Variants in PBX1 observed in about 807,000 individuals in gnomAD.
PBX1 encodes PBX homeobox 1.
A neutral mutation model predicts 53.4 loss-of-function variants in PBX1; 6 were observed. The observed-to-expected ratio is 0.11, with a 90% CI of 0.06 to 0.22. The LOEUF (loss-of-function observed/expected upper bound fraction) is 0.22. Among genes scored for constraint, PBX1 ranks in the 10% least tolerant of loss-of-function variants. The pLI is 1.00. For missense variants in PBX1, 251 were observed against 551.4 expected, an observed-to-expected ratio of 0.46 and a Z score of 5.46; for synonymous variants, 204 against 212.3, an observed-to-expected ratio of 0.96 and a Z score of 0.34.
At chr1:164,852,165 C>T (rs564892695), downstream of PBX1, among the ~76,000 whole-genome samples, 1 of 152,354 alleles carries the variant, frequency 6.6e-6, no homozygotes, top group South Asian at 2.1e-4. Context: ...GTTCCTAAGT[C>T]ATGGCTGTTT....
rs1653102286 is a variant in PBX1, at chr1:164,562,184, G to GTACA, written c.192-1051_192-1048dup. 2.6e-5 allele frequency among the ~76,000 whole-genome samples: 4 copies of GTACA among 152,130 alleles called. 1 individual carries two copies. Among genetic ancestry groups the GTACA allele is most frequent in the African/African-American group, 9.6e-5 (4 of 41,496 alleles). ...GACTTTATTACTCCCCTGCTGTACA[G>GTACA]TACATAGGGCATGTTTCTGATCTCT... On this transcript the variant is annotated intron_variant, in intron 1 of 8. Transcript: ENST00000420696.
chr1:164,860,526 C>A (rs999014908), intron 2 of PBX1, among the ~76,000 whole-genome samples: 1 of 152,090 alleles, frequency 6.6e-6, no homozygotes, highest in Non-Finnish European at 1.5e-5. Flanking sequence ...TTTCTTTTTG[C>A]CTTTTTACCT....
intron 2 of PBX1, among the ~76,000 whole-genome samples, chr1:164,717,429 C>T (rs1034651303): frequency 3.9e-5 from 6 of 152,092 alleles, no homozygotes; most frequent in Non-Finnish European, 7.4e-5. Context: ...TGGGAAGGAA[C>T]GCTTGGGTGT....
At chr1:164,589,254 T>C (rs1454990507) in intron 2 of PBX1, among the ~76,000 whole-genome samples, 1 of 152,058 alleles carries the variant, frequency 6.6e-6, no homozygotes, top group Non-Finnish European at 1.5e-5. Context: ...GATTTTTGTT[T>C]AAGTTTCTGC....
At chr1:164,754,932 T>C (rs1666430747) in intron 2 of PBX1, among the ~76,000 whole-genome samples, 1 of 152,216 alleles carries the variant, frequency 6.6e-6, no homozygotes, top group Admixed American at 6.5e-5. Context: ...CAAATTTCTG[T>C]ATAATATTGA....
At chr1:164,738,292 G>A (rs910386045) in intron 2 of PBX1, among the ~76,000 whole-genome samples, 6 of 151,962 alleles carry the variant, frequency 3.9e-5, no homozygotes, top group Non-Finnish European at 8.8e-5. Context: ...CAAGTCATAC[G>A]GTAACTCTCT....
rs73029093 is a variant in PBX1 at position 164,842,794 on chromosome 1, C to T, written c.1201-3790C>T. 2.5e-3 allele frequency among the ~76,000 whole-genome samples: 385 copies of T among 152,226 alleles called. 3 individuals are homozygous for T. The highest frequency in any genetic ancestry group is 8.9e-3 in the African/African-American group (368 of 41,536). On this transcript the variant is annotated intron_variant, in intron 8 of 8. Coordinates refer to ENST00000420696, the MANE Select transcript of PBX1 (RefSeq NM_002585.4). ...TGTGACCCCTCAGTGTGGTTTATGA[C>T]ATTAGCATTTCCAAGAGTGTGTTCA...
intron 2 of PBX1, among the ~76,000 whole-genome samples, chr1:164,637,949 A>G (rs1658883197): frequency 6.6e-6 from 1 of 152,214 alleles, no homozygotes; most frequent in South Asian, 2.1e-4. Flanking sequence ...TGCAAACTCA[A>G]GTATCACCAA....
At chr1:164,775,000 A>G (rs545609273) in intron 2 of PBX1, among the ~76,000 whole-genome samples, 38 of 152,278 alleles carry the variant, frequency 2.5e-4, no homozygotes, top group Admixed American at 1.6e-3. Context: ...TGTGTGCTTC[A>G]TGCCTAGCAA....
At chr1:164,582,047 A>G (rs367590924) in intron 2 of PBX1, among the ~76,000 whole-genome samples, 25 of 152,358 alleles carry the variant, frequency 1.6e-4, no homozygotes, top group African/African-American at 5.8e-4. Context: ...GAGAGATACC[A>G]AGAGATTTAC....
intron 2 of PBX1, among the ~76,000 whole-genome samples, chr1:164,610,476 CCTG>C (rs776216738): frequency 6.6e-6 from 1 of 152,148 alleles, no homozygotes; most frequent in Non-Finnish European, 1.5e-5. Context: ...TGGTCTATGG[CCTG>C]CTTTCTTAAT....
chr1:164,690,556 T>C (rs1662406519), intron 2 of PBX1, among the ~76,000 whole-genome samples: 1 of 151,698 alleles, frequency 6.6e-6, no homozygotes, highest in Non-Finnish European at 1.5e-5. Context: ...TGCTTGAGCT[T>C]AGAAGTTTGA....
At chr1:164,791,877 A>G (rs1182406899) in intron 2 of PBX1, among the ~76,000 whole-genome samples, 1 of 151,742 alleles carries the variant, frequency 6.6e-6, no homozygotes, top group Non-Finnish European at 1.5e-5. Flanking sequence ...CTGGAGTGCA[A>G]TGAGTGGCGT....
intron 2 of PBX1, among the ~76,000 whole-genome samples, chr1:164,667,619 T>A (rs1243257857): frequency 6.6e-6 from 1 of 152,174 alleles, no homozygotes; most frequent in Non-Finnish European, 1.5e-5. Context: ...TCACAGTAGA[T>A]CATTGGCATT....
At chr1:164,816,532 T>C (rs1174980906) in intron 6 of PBX1, 2 of 152,216 alleles carry the variant, frequency 1.3e-5, no homozygotes, top group Non-Finnish European at 2.9e-5. Flanking sequence ...AAATCCGTTC[T>C]TGCTCTAGGT....
chr1:164,692,252 A>T (rs747465433), intron 2 of PBX1, among the ~76,000 whole-genome samples: 16 of 152,228 alleles, frequency 1.1e-4, no homozygotes, highest in Non-Finnish European at 2.1e-4. Context: ...GCAGAAGTGA[A>T]TATCATGAGG....
chr1:164,675,492 C>T (rs990150811), intron 2 of PBX1, among the ~76,000 whole-genome samples: 2 of 152,172 alleles, frequency 1.3e-5, no homozygotes, highest in African/African-American at 2.4e-5. Context: ...CCTGCTACCA[C>T]CTCCCTGCCT....
At position 164,871,425 on chromosome 1, in the gene PBX1, G is replaced by A. The variant is rs143170337; in HGVS notation, n.258-27763G>A. On this transcript the variant is annotated intron_variant and non_coding_transcript_variant, in intron 2 of 2. Transcript: ENST00000558796. ...CATTACATGGTGGGAAAATAAATGTGAAGCAGGTTGGCAGTGTAATGTGCA... is the reference window on the plus strand; with the variant it reads ...CATTACATGGTGGGAAAATAAATGTAAAGCAGGTTGGCAGTGTAATGTGCA... Among the ~76,000 whole-genome samples the A allele has an allele frequency of 4.6e-3, 694 of 152,328 alleles. 6 individuals carry two copies. The highest frequency in any genetic ancestry group is 0.02 in the Middle Eastern group (6 of 294).
chr1:164,649,992 T>C (rs1659691967), intron 2 of PBX1, among the ~76,000 whole-genome samples: 1 of 151,986 alleles, frequency 6.6e-6, no homozygotes, highest in Non-Finnish European at 1.5e-5. Flanking sequence ...CAAACTCCTC[T>C]CTCTGAGGAA....
Sources: allele counts gnomAD v4.1 joint callset (sites outside exome capture counted in the v4.1 genomes callset), GRCh38; gene constraint gnomAD v4.1.1; transcripts MANE v1.5; gene names NCBI Gene and HGNC (gene_info 2026-07-23, HGNC 2026-07-21).